The following PALLD variants were observed in gnomAD, a reference collection of about 807,000 sequenced individuals.
The protein encoded by PALLD is palladin, cytoskeletal associated protein.
PALLD carries 61 observed loss-of-function variants against 123.5 expected under a neutral mutation model. The observed-to-expected ratio is 0.49, with a 90% CI of 0.40 to 0.61. PALLD has a LOEUF of 0.61. Ranked by LOEUF, PALLD falls within the 20% of genes least tolerant of loss-of-function variation. The probability of loss-of-function intolerance (pLI) is 0.00; values close to 1 mark genes in which losing one functional copy is unlikely to be tolerated. For synonymous variants in PALLD, 465 were observed against 496.4 expected, an observed-to-expected ratio of 0.94 and a Z score of 0.84; for missense variants, 1,273 against 1,377.0, an observed-to-expected ratio of 0.92 and a Z score of 1.20.
At chr4:168,909,550 G>T (rs1758478178) in intron 15 of PALLD, among the ~76,000 whole-genome samples, 1 of 152,108 alleles carries the variant, frequency 6.6e-6, no homozygotes, top group African/African-American at 2.4e-5. Context: ...TTTGTTGCTT[G>T]TGTTTTGTTT....
chr4:168,818,608 A>T (rs906211193), intron 10 of PALLD, among the ~76,000 whole-genome samples: 7 of 152,170 alleles, frequency 4.6e-5, no homozygotes, highest in Non-Finnish European at 1.0e-4. Flanking sequence ...AATAGTGGTA[A>T]AAAGAGTATT....
At chr4:168,571,060 G>A (rs758575227) in intron 2 of PALLD, among the ~76,000 whole-genome samples, 6 of 151,972 alleles carry the variant, frequency 3.9e-5, no homozygotes, top group Non-Finnish European at 8.8e-5. Flanking sequence ...GAAAATAATG[G>A]CAGGGTTCTC....
At chr4:168,830,781 C>G (rs1744098033) in intron 10 of PALLD, among the ~76,000 whole-genome samples, 1 of 152,130 alleles carries the variant, frequency 6.6e-6, no homozygotes, top group South Asian at 2.1e-4. Flanking sequence ...AATAGACTAC[C>G]TGGCTGAAGA....
chr4:168,538,931 G>A (rs558633832), intron 2 of PALLD, among the ~76,000 whole-genome samples: 16 of 152,216 alleles, frequency 1.1e-4, no homozygotes, highest in South Asian at 1.0e-3. Context: ...CTACGACTTC[G>A]TGTTCATGTG....
intron 1 of PALLD, among the ~76,000 whole-genome samples, chr4:168,505,827 G>T (rs2319915): frequency 0.39 from 59,988 of 152,126 alleles, 12,724 homozygotes; most frequent in East Asian, 0.58. Context: ...GTTATATGAA[G>T]TCATTAGGTA....
chr4:168,833,521 G>C (rs1744649953), intron 10 of PALLD, among the ~76,000 whole-genome samples: 1 of 152,132 alleles, frequency 6.6e-6, no homozygotes, highest in Non-Finnish European at 1.5e-5. Flanking sequence ...GGAATAATAT[G>C]ATCCTGGTTC....
chr4:168,740,805 C>A lies in PALLD; in HGVS notation c.1964+28882C>A, dbSNP rs60195325. On this transcript the variant is annotated intron_variant, in intron 10 of 21. Transcript: ENST00000505667. ...CCAGTTATATGAAATGGATATAAAT[C>A]CTCCCATTCCAACAACTCAGGAACT... is the stretch of plus-strand genomic sequence containing the variant. Among the ~76,000 whole-genome samples, 722 of 152,272 alleles carry A rather than the reference C, an allele frequency of 4.7e-3. 5 individuals carry two copies. Among genetic ancestry groups the A allele is most frequent in the African/African-American group, 0.016 (661 of 41,546 alleles).
At chr4:168,654,986 TG>T (rs200271334) in intron 2 of PALLD, among the ~76,000 whole-genome samples, 1 of 532 alleles carries the variant, frequency 1.9e-3, no homozygotes, top group Non-Finnish European at 8.1e-3. Flanking sequence ...TATGGCTACT[TG>T]TGTGTGTGTG....
At chr4:168,704,866 G>T (rs1021560737) in intron 8 of PALLD, among the ~76,000 whole-genome samples, 2 of 152,152 alleles carry the variant, frequency 1.3e-5, no homozygotes, top group Admixed American at 6.5e-5. Flanking sequence ...AGACCAAAAA[G>T]ATCCTGTCTT....
chr4:168,503,950 C>T (rs1761715490), intron 1 of PALLD, among the ~76,000 whole-genome samples: 1 of 152,190 alleles, frequency 6.6e-6, no homozygotes, highest in African/African-American at 2.4e-5. Context: ...ACAATTTGTA[C>T]CTATGATCTC....
At chr4:168,685,126 A>T (rs1354001101) in intron 5 of PALLD, among the ~76,000 whole-genome samples, 1 of 152,220 alleles carries the variant, frequency 6.6e-6, no homozygotes, top group African/African-American at 2.4e-5. Flanking sequence ...TATGCATTGA[A>T]TCCAAACTGT....
chr4:168,831,660 T>C (rs1264892116), intron 10 of PALLD, among the ~76,000 whole-genome samples: 1 of 152,174 alleles, frequency 6.6e-6, no homozygotes, highest in Non-Finnish European at 1.5e-5. Context: ...CCGTGAGTTT[T>C]TATTGCTTTC....
chr4:168,639,510 C>T (rs938325179), intron 2 of PALLD, among the ~76,000 whole-genome samples: 2 of 151,848 alleles, frequency 1.3e-5, no homozygotes, highest in Non-Finnish European at 2.9e-5. Flanking sequence ...CTGTTCACTC[C>T]TCAATAGGCT....
intron 10 of PALLD, among the ~76,000 whole-genome samples, chr4:168,803,643 G>A (rs978578667): frequency 6.1e-5 from 9 of 147,484 alleles, no homozygotes; most frequent in African/African-American, 1.5e-4. Context: ...CTACGATGGC[G>A]TACTGCACTC....
At chr4:168,570,666 C>T (rs1415424391) in intron 2 of PALLD, among the ~76,000 whole-genome samples, 1 of 152,012 alleles carries the variant, frequency 6.6e-6, no homozygotes, top group Non-Finnish European at 1.5e-5. Flanking sequence ...CTTTTTTCCA[C>T]ACAAAGATCC....
At chr4:168,732,687 G>A (rs1213215904) in intron 10 of PALLD, among the ~76,000 whole-genome samples, 2 of 152,152 alleles carry the variant, frequency 1.3e-5, no homozygotes, top group African/African-American at 2.4e-5. Context: ...TAATCTCGAC[G>A]TAATTCAGTT....
intron 10 of PALLD, among the ~76,000 whole-genome samples, chr4:168,826,877 G>C (rs919909014): frequency 6.6e-6 from 1 of 152,114 alleles, no homozygotes; most frequent in African/African-American, 2.4e-5. Flanking sequence ...ACTCTGTCCA[G>C]CTCCAAAGGC....
At position 168,809,316 on chromosome 4, in the gene PALLD, ATCCTTCTTC is replaced by A. The variant is rs1282733773; in HGVS notation, c.1965-81604_1965-81596del. Among the ~76,000 whole-genome samples, 201 of 81,914 alleles carry A rather than the reference ATCCTTCTTC, an allele frequency of 2.5e-3. 1 individual carries two copies. Among genetic ancestry groups the A allele is most frequent in the African/African-American group, 6.6e-3 (183 of 27,662 alleles). 53.7% of individuals were successfully genotyped at this position (81,914 alleles called of 152,430 possible). A position where few individuals can be genotyped will look rare whatever the true frequency, so the allele number is the denominator to read the frequency against. ...CTTTTATTTAAATTTTCCCTTATAA[ATCCTTCTTC>A]TTCTTCTTCTTCTTCTTTTTTTTTT... On this transcript the variant is annotated intron_variant, in intron 10 of 21. Transcript: ENST00000505667.
intron 2 of PALLD, among the ~76,000 whole-genome samples, chr4:168,611,761 A>G (rs906010154): frequency 2.0e-5 from 3 of 152,198 alleles, no homozygotes; most frequent in Non-Finnish European, 4.4e-5. Context: ...TCTTTCTGGT[A>G]GTACATGTTT....
Sources: gnomAD v4.1 joint callset for allele counts (sites outside exome capture counted in the v4.1 genomes callset) on GRCh38, gnomAD v4.1.1 for gene constraint, MANE v1.5 for transcripts, NCBI Gene and HGNC (gene_info 2026-07-23, HGNC 2026-07-21) for gene names.